The following D2HGDH variants were observed in gnomAD, a reference collection of about 807,000 sequenced individuals.
D2HGDH encodes the protein D-2-hydroxyglutarate dehydrogenase, mitochondrial.
A neutral mutation model predicts 46.9 loss-of-function variants in D2HGDH; 31 were observed. The observed-to-expected ratio is 0.66, with a 90% CI of 0.50 to 0.89. The LOEUF is 0.89. D2HGDH is among the 40% of genes least tolerant of loss of function. The probability of loss-of-function intolerance (pLI) is 0.00; values close to 1 mark genes in which losing one functional copy is unlikely to be tolerated. For synonymous variants in D2HGDH, 364 were observed against 332.6 expected (o/e 1.09, Z -1.03); for missense variants, 698 against 720.8 (o/e 0.97, Z 0.36).
intron 2 of D2HGDH, among the ~76,000 whole-genome samples, chr2:241,737,617 G>A (rs1258196921): frequency 6.6e-6 from 1 of 152,204 alleles, no homozygotes; most frequent in African/African-American, 2.4e-5. Flanking sequence ...AGCCTCCTGA[G>A]TAGCTGGGAC....
rs906282503 is a variant in D2HGDH, at chr2:241,743,119, T to A, written c.491-503T>A. On this transcript the variant is annotated intron_variant, in intron 4 of 9. Coordinates refer to ENST00000321264, the MANE Select transcript of D2HGDH (RefSeq NM_152783.5). The surrounding 1 kb of genome is among the most constrained non-coding windows in gnomAD (Gnocchi z 4.8). ...CCAGGGTGCCAGGGCGTGGCAGGCA[T>A]GAGGGGATCCTGACCCAGGGCGCCA... is the stretch of plus-strand genomic sequence containing the variant. Among the ~76,000 whole-genome samples, 3 of 55,686 alleles carry A rather than the reference T, an allele frequency of 5.4e-5. No homozygotes were observed. The South Asian group carries it at 1.4e-3, about 26-fold the overall frequency. 36.5% of individuals were successfully genotyped at this position (55,686 alleles called of 152,430 possible). A position where few individuals can be genotyped will look rare whatever the true frequency, so the allele number is the denominator to read the frequency against.
chr2:241,758,383 C>T (rs1289413125), intron 9 of D2HGDH, among the ~76,000 whole-genome samples: 1 of 152,134 alleles, frequency 6.6e-6, no homozygotes, highest in Non-Finnish European at 1.5e-5. Flanking sequence ...GCTTTCCTTT[C>T]TTCTAGATTG....
chr2:241,741,225 G>T (rs1162557283), intron 3 of D2HGDH, 135 bp downstream of exon 3: 1 of 829,856 alleles, frequency 1.2e-6, no homozygotes, highest in South Asian at 1.4e-5. Context: ...CTCAGTGTTT[G>T]TTCTGTGGTT....
chr2:241,757,313 C>T (rs932452164), intron 9 of D2HGDH, among the ~76,000 whole-genome samples: 24 of 152,160 alleles, frequency 1.6e-4, no homozygotes, highest in Middle Eastern at 6.8e-3. Flanking sequence ...AGGCAGGACT[C>T]CTGAATGGGA....
chr2:241,750,984 G>C (rs948395728), intron 7 of D2HGDH, among the ~76,000 whole-genome samples: 1 of 152,086 alleles, frequency 6.6e-6, no homozygotes, highest in Admixed American at 6.5e-5. Flanking sequence ...TCTCGAACTC[G>C]TGACCTCAGG....
chr2:241,747,740 G>T (rs1048676001), intron 6 of D2HGDH, among the ~76,000 whole-genome samples: 1 of 151,898 alleles, frequency 6.6e-6, no homozygotes, highest in African/African-American at 2.4e-5. Flanking sequence ...TTTTAAAATT[G>T]TTTTATAGAG....
rs763276027 is a variant in D2HGDH, at chr2:241,767,849, G to A, written c.1446G>A (p.Lys482=). 1.5e-5 allele frequency: 24 copies of A among 1,611,786 alleles called. No individual in the cohort carries two copies. Among genetic ancestry groups the A allele is most frequent in the Non-Finnish European group, 1.9e-5 (22 of 1,179,340 alleles). ...CGGAGCACGGAGTGGGCTTCAGGAA[G>A]AGGGACGTCCTGGGCTACAGCAAGC... ...VSAEHGVGFR[K]RDVLGYSKPP... The change falls in exon 10 of 10, where the codon AAG becomes AAA. Residue 482 remains lysine (K), a synonymous_variant. Transcript: ENST00000321264.
chr2:241,749,870 A>T (rs1696825695), intron 6 of D2HGDH: 1 of 479,774 alleles, frequency 2.1e-6, no homozygotes, highest in South Asian at 2.0e-5. Context: ...TCCTGATCTG[A>T]TGCTGGTGGT....
At chr2:241,759,994 C>T (rs1256417118) in intron 9 of D2HGDH, among the ~76,000 whole-genome samples, 1 of 152,284 alleles carries the variant, frequency 6.6e-6, no homozygotes, top group East Asian at 1.9e-4. Flanking sequence ...TACAGGAGAT[C>T]TCCCACCACA....
intron 8 of D2HGDH, among the ~76,000 whole-genome samples, chr2:241,753,274 G>C (rs1324556914): frequency 6.6e-6 from 1 of 152,204 alleles, no homozygotes; most frequent in Non-Finnish European, 1.5e-5. Context: ...GTTGTGTGCA[G>C]TTGCTCTGAG....
Position 241,735,441 on chromosome 2 carries a change from A to G in D2HGDH, c.217A>G (p.Ile73Val). The change falls in exon 2 of 10, where the codon ATC becomes GTC. Residue 73 changes from isoleucine (I) to valine (V), a missense_variant. Coordinates refer to ENST00000321264, the MANE Select transcript of D2HGDH (RefSeq NM_152783.5). ...GCAGGACCTGGCCGCCTTTGAGCGC[A>G]TCGTGCCCGGCGGGGTCGTCACGGA... ...SKQDLAAFER[I>V]VPGGVVTDPE... The G allele has an allele frequency of 1.9e-6, 3 of 1,609,838 alleles. No homozygotes were observed. Among genetic ancestry groups the G allele is most frequent in the Non-Finnish European group, 2.5e-6 (3 of 1,179,588 alleles).
At chr2:241,761,105 C>T (rs926942996) in intron 9 of D2HGDH, among the ~76,000 whole-genome samples, 7 of 152,208 alleles carry the variant, frequency 4.6e-5, no homozygotes, top group Non-Finnish European at 5.9e-5. Context: ...CCTGTATTTG[C>T]GGGCTCCACA....
intron 6 of D2HGDH, 94 bp from the exon 7 acceptor site, chr2:241,750,057 A>G: frequency 6.3e-7 from 1 of 1,593,576 alleles, no homozygotes; most frequent in Non-Finnish European, 8.6e-7. Flanking sequence ...TCACCCACCC[A>G]CATGAGTCGG....
At chr2:241,753,888 G>A (rs557814444) in intron 8 of D2HGDH, among the ~76,000 whole-genome samples, 4 of 152,364 alleles carry the variant, frequency 2.6e-5, no homozygotes, top group Admixed American at 6.5e-5. Context: ...CTCAGCCCAT[G>A]GCCCCTCAGA....
rs551400533 is a variant in D2HGDH, at chr2:241,764,002, C to G, written c.1307-3708C>G. Among the ~76,000 whole-genome samples the G allele has an allele frequency of 2.8e-4, 42 of 152,356 alleles. 1 individual carries two copies. The South Asian group carries it at 8.5e-3, about 31-fold the overall frequency. On this transcript the variant is annotated intron_variant, in intron 9 of 9. Coordinates refer to ENST00000321264, the MANE Select transcript of D2HGDH (RefSeq NM_152783.5). ...GAGGTTGAAGTGTGAGCCACGATCA[C>G]TCTACTGCCCTCCGGCCTGGGTGAC... is the stretch of plus-strand genomic sequence containing the variant.
intron 8 of D2HGDH, chr2:241,754,966 GC>G (rs1277776390): frequency 1.7e-6 from 2 of 1,208,792 alleles, no homozygotes; most frequent in Admixed American, 3.0e-5. Context: ...CTGGGCTTGA[GC>G]CCTGGGTAGG....
intron 6 of D2HGDH, 33 bp from the exon 7 acceptor site, chr2:241,750,118 G>A (rs754386160): frequency 1.7e-5 from 27 of 1,613,418 alleles, no homozygotes; most frequent in South Asian, 1.4e-4. Flanking sequence ...GTTTAGCTCC[G>A]TGTGGTGCTT....
chr2:241,767,927 G>A lies in D2HGDH; in HGVS notation c.1524G>A (p.Lys508=). 1.9e-6 allele frequency: 3 copies of A among 1,600,402 alleles called. No homozygotes were observed. The highest frequency in any genetic ancestry group is 1.1e-5 in the South Asian group (1 of 89,496). ...AGCTCAAGGCCCTGCTGGACCCCAAGGGCATCCTCAACCCCTACAAGACGC... is the reference window on the plus strand; with the variant it reads ...AGCTCAAGGCCCTGCTGGACCCCAAAGGCATCCTCAACCCCTACAAGACGC... ...MQQLKALLDP[K]GILNPYKTLP... is the part of the protein sequence containing the mutation. Residue 508 remains lysine, a synonymous_variant, in exon 10 of 10, where the codon AAG becomes AAA. Transcript: ENST00000321264.
intron 7 of D2HGDH, among the ~76,000 whole-genome samples, 166 bp downstream of exon 7, chr2:241,750,460 C>T (rs1221300187): frequency 1.3e-5 from 2 of 152,180 alleles, no homozygotes; most frequent in African/African-American, 4.8e-5. Flanking sequence ...TGTAAGAAAG[C>T]TGCTCTTAAC....
Sources: gnomAD v4.1 joint callset for allele counts (sites outside exome capture counted in the v4.1 genomes callset) on GRCh38, gnomAD v4.1.1 for gene constraint, Gnocchi (gnomAD v3.1) non-coding constraint, MANE v1.5 for transcripts, NCBI Gene and HGNC (gene_info 2026-07-23, HGNC 2026-07-21) for gene names.